Variants in DIXDC1 observed in about 807,000 individuals in gnomAD.
The protein encoded by DIXDC1 is dixin.
Under a neutral mutation model 103.1 loss-of-function variants are expected in DIXDC1, and 64 were observed. The ratio of observed to expected loss-of-function variants is 0.62; its 90% CI spans 0.51 to 0.76. DIXDC1 has a LOEUF of 0.76. DIXDC1 is among the 30% of genes least tolerant of loss of function. The pLI, the probability that DIXDC1 is intolerant of heterozygous loss-of-function variation, is 0.00. For synonymous variants in DIXDC1, 266 were observed against 298.5 expected, an observed-to-expected ratio of 0.89 and a Z score of 1.12; for missense variants, 759 against 834.2, an observed-to-expected ratio of 0.91 and a Z score of 1.11.
At chr11:112,012,542 G>T (rs1479964703) in intron 17 of DIXDC1, among the ~76,000 whole-genome samples, 1 of 152,072 alleles carries the variant, frequency 6.6e-6, no homozygotes, top group East Asian at 1.9e-4. Context: ...CATACCATAT[G>T]CAAAAATCAA....
At position 111,995,121 on chromosome 11, in the gene DIXDC1, A is replaced by C; in HGVS notation, c.1527+13A>C. 3.7e-6 allele frequency: 6 copies of C among 1,611,798 alleles called. No homozygotes were observed. Among genetic ancestry groups the C allele is most frequent in the Non-Finnish European group, 5.1e-6 (6 of 1,179,140 alleles). ...CAGCAACAGAGGGGTACGTACCTGG[A>C]GTTTTGATGGAGTCCTGCCACTTCT... is the stretch of plus-strand genomic sequence containing the variant. On this transcript the variant is annotated intron_variant, in intron 15 of 19. Coordinates refer to ENST00000440460, the MANE Select transcript of DIXDC1 (RefSeq NM_001037954.4).
chr11:111,955,833 C>CA (rs781822030), intron 1 of DIXDC1, among the ~76,000 whole-genome samples: 3,389 of 17,608 alleles, frequency 0.19, 854 homozygotes, highest in African/African-American at 0.25. Flanking sequence ...GACTCTAGCT[C>CA]AAAAAAAAAA....
chr11:111,927,494 C>G (rs1185679007), intron 1 of DIXDC1: 1 of 152,356 alleles, frequency 6.6e-6, no homozygotes, highest in Non-Finnish European at 1.5e-5. Context: ...TTAGAGGAGG[C>G]TAAAATTTCA....
chr11:111,966,435 G>A (rs1555171550), intron 2 of DIXDC1, among the ~76,000 whole-genome samples: 1 of 123,714 alleles, frequency 8.1e-6, no homozygotes, highest in Non-Finnish European at 1.6e-5. Context: ...ACGGAGTCTC[G>A]CTCTGTGGCC....
intron 1 of DIXDC1, among the ~76,000 whole-genome samples, chr11:111,960,043 G>T (rs1859519355): frequency 6.6e-6 from 1 of 151,858 alleles, no homozygotes; most frequent in African/African-American, 2.4e-5. Context: ...CCAAGTATCT[G>T]GGATTACAAG....
chr11:111,937,240 G>A (rs587675042), upstream of DIXDC1: 15 of 1,195,768 alleles, frequency 1.3e-5, no homozygotes, highest in South Asian at 3.6e-5. Flanking sequence ...GCCCGGCAGC[G>A]CCGCTCAACC....
chr11:111,991,869 G>C (rs940372987), intron 10 of DIXDC1, among the ~76,000 whole-genome samples: 6 of 152,220 alleles, frequency 3.9e-5, no homozygotes, highest in Admixed American at 2.6e-4. Context: ...AGTGATTTCA[G>C]GGATTCTTTA....
chr11:111,931,059 G>A (rs1450474841), intron 2 of DIXDC1, among the ~76,000 whole-genome samples: 4 of 151,706 alleles, frequency 2.6e-5, no homozygotes, highest in Admixed American at 2.0e-4. Flanking sequence ...TTACCATGTT[G>A]ATCAGGCTGG....
At chr11:111,951,403 C>T (rs190050268) in intron 1 of DIXDC1, among the ~76,000 whole-genome samples, 24 of 152,126 alleles carry the variant, frequency 1.6e-4, no homozygotes, top group African/African-American at 5.3e-4. Context: ...TAAATATGTA[C>T]ACCTACTGTA....
chr11:112,001,971 G>A (rs1487372948), intron 17 of DIXDC1, among the ~76,000 whole-genome samples: 2 of 152,044 alleles, frequency 1.3e-5, no homozygotes, highest in Non-Finnish European at 2.9e-5. Context: ...TGGCCAGACT[G>A]GTCTCGAACT....
chr11:111,967,846 G>C (rs887406210), intron 2 of DIXDC1, among the ~76,000 whole-genome samples: 2 of 152,220 alleles, frequency 1.3e-5, no homozygotes, highest in Admixed American at 1.3e-4. Flanking sequence ...CTGTGGTCCA[G>C]AAAGCCCCGC....
chr11:111,971,738 A>G (rs1859939668), intron 3 of DIXDC1, among the ~76,000 whole-genome samples: 1 of 151,456 alleles, frequency 6.6e-6, no homozygotes, highest in South Asian at 2.1e-4. Context: ...ATCTATATCT[A>G]TATCTATATC....
chr11:111,995,151 G>A (rs782675822), intron 15 of DIXDC1, 43 bp downstream of exon 15: 7 of 1,590,094 alleles, frequency 4.4e-6, no homozygotes, highest in Non-Finnish European at 1.7e-6. Context: ...ACTTCTCACT[G>A]AAACCAGAAG....
At position 111,977,175 on chromosome 11, in the gene DIXDC1, CCCCGCCCCTGG is replaced by C. The variant is rs1271041943; in HGVS notation, c.656+2198_656+2208del. ...CCACCCCCACCTCCACCCCGCCCAG[CCCCGCCCCTGG>C]CCCGCACCCTCAACCTCCGTCCAGA... is the stretch of plus-strand genomic sequence containing the variant. On this transcript the variant is annotated intron_variant, in intron 5 of 19. Coordinates refer to ENST00000440460, the MANE Select transcript of DIXDC1 (RefSeq NM_001037954.4). The surrounding 1 kb of genome is among the most constrained non-coding windows in gnomAD (Gnocchi z 6.1). The C allele has an allele frequency of 1.2e-6, 1 of 830,824 alleles. No homozygotes were observed. Among genetic ancestry groups the C allele is most frequent in the African/African-American group, 1.9e-5 (1 of 53,948 alleles). The allele number at this position is 830,824 out of a possible 1,614,324, so 51.5% of individuals were successfully genotyped here.
intron 1 of DIXDC1, among the ~76,000 whole-genome samples, chr11:111,954,924 C>A (rs1966877462): frequency 6.6e-6 from 1 of 151,748 alleles, no homozygotes; most frequent in African/African-American, 2.4e-5. Context: ...ACACAACACA[C>A]CCCCATATGT....
chr11:112,012,398 A>G, intron 17 of DIXDC1, among the ~76,000 whole-genome samples: 1 of 152,210 alleles, frequency 6.6e-6, no homozygotes, highest in Non-Finnish European at 1.5e-5. Flanking sequence ...GCATAGAGTT[A>G]AAAATAGACA....
chr11:111,986,822 G>T (rs1343034058), intron 8 of DIXDC1, 49 bp from the exon 9 acceptor site: 17 of 1,520,754 alleles, frequency 1.1e-5, no homozygotes, highest in African/African-American at 5.5e-5. Flanking sequence ...GAGTGGCTCT[G>T]TACTTCACAG....
upstream of DIXDC1, among the ~76,000 whole-genome samples, chr11:111,933,150 C>T (rs907073390): frequency 9.9e-5 from 15 of 152,018 alleles, no homozygotes; most frequent in Non-Finnish European, 2.2e-4. Context: ...TTTTTTGAGA[C>T]GGAGTTACGC....
intron 8 of DIXDC1, among the ~76,000 whole-genome samples, chr11:111,985,523 C>G (rs1860461213): frequency 6.6e-6 from 1 of 152,136 alleles, no homozygotes. Context: ...ATGCCAGACC[C>G]TATTTCAACA....
Sources: allele counts gnomAD v4.1 joint callset (sites outside exome capture counted in the v4.1 genomes callset), GRCh38; gene constraint gnomAD v4.1.1; non-coding constraint Gnocchi (gnomAD v3.1); transcripts MANE v1.5; gene names NCBI Gene and HGNC (gene_info 2026-07-23, HGNC 2026-07-21).